ADGRD1: variants seen among roughly 807,000 people sequenced by gnomAD.
ADGRD1 encodes the protein adhesion G protein-coupled receptor D1.
In ADGRD1, 77 loss-of-function variants were observed where a neutral mutation model predicts 113.4. That is an observed-to-expected ratio of 0.68 (90% CI 0.57 to 0.82). The LOEUF (loss-of-function observed/expected upper bound fraction) is 0.82. Among genes scored for constraint, ADGRD1 ranks in the 40% least tolerant of loss-of-function variants. The pLI is 0.00. For synonymous variants in ADGRD1, 474 were observed against 475.0 expected (o/e 1.00, Z 0.03); for missense variants, 1,036 against 1,139.1 (o/e 0.91, Z 1.30).
chr12:131,139,152 C>T lies in ADGRD1; in HGVS notation c.2530-16C>T, dbSNP rs1269602371. On this transcript the variant is annotated splice_polypyrimidine_tract_variant and intron_variant, in intron 24 of 24. Coordinates refer to ENST00000261654, the MANE Select transcript of ADGRD1 (RefSeq NM_198827.5). ...GGGAGCAGGCCCTTCACTGCTCATC[C>T]CTTTATGCTTTGCAGATGAATGGGA... is the stretch of plus-strand genomic sequence containing the variant. The T allele has an allele frequency of 1.9e-6, 3 of 1,606,884 alleles. No individual in the cohort carries two copies. Among genetic ancestry groups the T allele is most frequent in the East Asian group, 2.2e-5 (1 of 44,800 alleles).
At chr12:131,101,235 GT>G (rs1026570946) in intron 15 of ADGRD1, among the ~76,000 whole-genome samples, 2 of 152,048 alleles carry the variant, frequency 1.3e-5, no homozygotes, top group Admixed American at 6.6e-5. Flanking sequence ...GGAGACCTGT[GT>G]GGGGTGCATC....
intron 21 of ADGRD1, among the ~76,000 whole-genome samples, chr12:131,134,781 G>A (rs1335114126): frequency 6.6e-6 from 1 of 152,190 alleles, no homozygotes; most frequent in African/African-American, 2.4e-5. Flanking sequence ...CTGCATGGCC[G>A]TCCACTTGTT....
Position 131,136,086 on chromosome 12 carries a change from T to TG in ADGRD1, c.2320dup (p.Val774GlyfsTer181). On this transcript the variant is annotated frameshift_variant, in exon 22 of 25. Transcript: ENST00000261654. LOFTEE classifies it high-confidence loss of function. Reference sequence around the variant, plus strand: ...GCTGCTGCCCATCCTGGGTACCTCGTGGGTCTTTGGCGTGCTTGCTGTCAA... The same window carrying TG: ...GCTGCTGCCCATCCTGGGTACCTCGTGGGGTCTTTGGCGTGCTTGCTGTCAA... 1 of 1,614,156 alleles carries TG rather than the reference T, an allele frequency of 6.2e-7. No homozygotes were observed.
intron 21 of ADGRD1, among the ~76,000 whole-genome samples, chr12:131,134,893 A>G (rs1050024654): frequency 3.3e-5 from 5 of 152,226 alleles, no homozygotes; most frequent in Non-Finnish European, 7.3e-5. Context: ...AAAAAGACCA[A>G]GCTCCAGCCT....
At chr12:131,127,025 CGCT>C (rs1394814664) in intron 20 of ADGRD1, among the ~76,000 whole-genome samples, 2 of 150,152 alleles carry the variant, frequency 1.3e-5, no homozygotes, top group African/African-American at 4.9e-5. Flanking sequence ...CATGGTGAGC[CGCT>C]CCTCCTCTTA....
chr12:131,137,212 G>A lies in ADGRD1; in HGVS notation c.2436+198G>A, dbSNP rs890752249. The A allele has an allele frequency of 1.6e-5, 10 of 618,926 alleles. No individual in the cohort carries two copies. In the East Asian group the frequency reaches 2.7e-4, roughly 17 times the overall value. The allele number at this position is 618,926 out of a possible 1,614,324, so 38.3% of individuals were successfully genotyped here. A position where few individuals can be genotyped will look rare whatever the true frequency, so the allele number is the denominator to read the frequency against. ...TCTTCTCTCCCCGCCTAGTTGCTAA[G>A]CGATATGCAAGCATCCTCTCTCCCT... On this transcript the variant is annotated intron_variant, in intron 23 of 24. Coordinates refer to ENST00000261654, the MANE Select transcript of ADGRD1 (RefSeq NM_198827.5).
intron 13 of ADGRD1, among the ~76,000 whole-genome samples, chr12:131,032,475 TC>T (rs10711222): frequency 0.14 from 21,822 of 152,172 alleles, 1,681 homozygotes; most frequent in Middle Eastern, 0.16. Flanking sequence ...TGTGGCCTTT[TC>T]CCCGAGTGTT....
intron 15 of ADGRD1, among the ~76,000 whole-genome samples, chr12:131,098,172 A>ATG (rs1391426237): frequency 1.2e-4 from 15 of 120,216 alleles, no homozygotes; most frequent in Non-Finnish European, 2.1e-4. Context: ...CTTCTCCCGC[A>ATG]GTGGCTGCTG....
At position 130,954,700 on chromosome 12, in the gene ADGRD1, C is replaced by G. The variant is rs201453863; in HGVS notation, c.103+40C>G. 1.3e-4 allele frequency: 214 copies of G among 1,585,880 alleles called. 1 individual carries two copies. In the South Asian group the frequency reaches 2.2e-3, roughly 16 times the overall value. On this transcript the variant is annotated intron_variant, in intron 2 of 24. Coordinates refer to ENST00000261654, the MANE Select transcript of ADGRD1 (RefSeq NM_198827.5). This position sits in a 1 kb window ranked among gnomAD's most constrained non-coding sequence, Gnocchi z 4.7. ...TTCTCACTCTGAGCACCGCTCTCCCCCTGCCTAGTGCAGGTATCTCAGGAA... is the reference window on the plus strand; with the variant it reads ...TTCTCACTCTGAGCACCGCTCTCCCGCTGCCTAGTGCAGGTATCTCAGGAA...
intron 4 of ADGRD1, 41 bp from the exon 5 acceptor site, chr12:130,981,843 C>T (rs770748925): frequency 6.9e-7 from 1 of 1,448,316 alleles, no homozygotes; most frequent in Non-Finnish European, 9.6e-7. Flanking sequence ...AAGTCAAGTC[C>T]CCTGCTCTCT....
At chr12:131,112,874 T>C (rs1950375224) in intron 18 of ADGRD1, among the ~76,000 whole-genome samples, 1 of 152,172 alleles carries the variant, frequency 6.6e-6, no homozygotes. Flanking sequence ...GAGGCCCCAG[T>C]GTTCTGAGCC....
At chr12:131,124,948 T>C (rs1950706805) in intron 20 of ADGRD1, among the ~76,000 whole-genome samples, 1 of 152,214 alleles carries the variant, frequency 6.6e-6, no homozygotes, top group Admixed American at 6.5e-5. Flanking sequence ...CTCACAGTTT[T>C]GGAAGCCAGA....
rs1884206971 is a variant in ADGRD1, at chr12:131,060,273, C to T, written c.1474-16528C>T. Among the ~76,000 whole-genome samples the T allele has an allele frequency of 6.6e-6, 1 of 152,252 alleles. No individual in the cohort carries two copies. Among genetic ancestry groups the T allele is most frequent in the African/African-American group, 2.4e-5 (1 of 41,464 alleles). ...CCCTGATACCCACTCAGCCTTTGCT[C>T]ATAGAGGCTGGGTGGGGCCACACTT... On this transcript the variant is annotated intron_variant, in intron 13 of 24. Coordinates refer to ENST00000261654, the MANE Select transcript of ADGRD1 (RefSeq NM_198827.5). The surrounding 1 kb of genome is among the most constrained non-coding windows in gnomAD (Gnocchi z 4.4).
intron 14 of ADGRD1, among the ~76,000 whole-genome samples, chr12:131,078,920 C>A (rs1885854948): frequency 6.6e-6 from 1 of 152,110 alleles, no homozygotes; most frequent in African/African-American, 2.4e-5. Context: ...TGAGTTTTGA[C>A]AAATGAATAC....
At chr12:130,955,478 G>A (rs1463657669) in intron 2 of ADGRD1, among the ~76,000 whole-genome samples, 5 of 152,188 alleles carry the variant, frequency 3.3e-5, no homozygotes, top group Admixed American at 1.3e-4. Context: ...GGCTTCTCTC[G>A]GGAAGACAGG....
At chr12:131,104,729 C>T (rs1950190208) in intron 15 of ADGRD1, 102 bp from the exon 16 acceptor site, 2 of 707,050 alleles carry the variant, frequency 2.8e-6, no homozygotes, top group Non-Finnish European at 4.7e-6. Flanking sequence ...CAGCACCACA[C>T]TCACAGGGGA....
chr12:131,093,280 T>G (rs1860606477), intron 15 of ADGRD1, among the ~76,000 whole-genome samples: 1 of 152,098 alleles, frequency 6.6e-6, no homozygotes, highest in African/African-American at 2.4e-5. Flanking sequence ...GAGGTTGTAG[T>G]TTCTGAGTCA....
intron 12 of ADGRD1, among the ~76,000 whole-genome samples, chr12:131,013,524 A>G (rs1878185904): frequency 6.6e-6 from 1 of 152,126 alleles, no homozygotes; most frequent in Non-Finnish European, 1.5e-5. Flanking sequence ...ATTGGGTGTC[A>G]TTCCTAAATG....
At chr12:131,128,160 AG>A (rs1378951259) in intron 20 of ADGRD1, among the ~76,000 whole-genome samples, 2 of 143,820 alleles carry the variant, frequency 1.4e-5, no homozygotes. Context: ...TTCTGAGCTC[AG>A]GTGGGGTGTT....
Sources: gnomAD v4.1 joint callset for allele counts (sites outside exome capture counted in the v4.1 genomes callset) on GRCh38, gnomAD v4.1.1 for gene constraint, Gnocchi (gnomAD v3.1) non-coding constraint, MANE v1.5 for transcripts, NCBI Gene and HGNC (gene_info 2026-07-23, HGNC 2026-07-21) for gene names.